The following FBXO4 variants were observed in gnomAD, a reference collection of about 807,000 sequenced individuals.
FBXO4 encodes the protein F-box only protein 4.
In FBXO4, 36 loss-of-function variants were observed where a neutral mutation model predicts 43.7. The ratio of observed to expected loss-of-function variants is 0.82; its 90% confidence interval spans 0.63 to 1.09. The LOEUF (loss-of-function observed/expected upper bound fraction) is 1.09. Ranked by LOEUF, FBXO4 falls within the 50% of genes least tolerant of loss-of-function variation. The probability of loss-of-function intolerance (pLI) is 0.00; values close to 1 mark genes in which losing one functional copy is unlikely to be tolerated. For synonymous variants in FBXO4, 180 were observed against 165.6 expected (o/e 1.09, Z -0.67); for missense variants, 435 against 474.1 (o/e 0.92, Z 0.77).
intron 5 of FBXO4, chr5:41,934,993 T>G: frequency 1.1e-5 from 11 of 984,834 alleles, no homozygotes; most frequent in Non-Finnish European, 1.2e-5. Context: ...TCTATTCAAT[T>G]TATTTTCCCT....
chr5:42,016,447 T>C, the FBXO4 span, among the ~76,000 whole-genome samples: 2 of 151,870 alleles, frequency 1.3e-5, no homozygotes, highest in African/African-American at 2.4e-5. Context: ...GTAAGAGGCA[T>C]AGCTAAAGCA....
chr5:42,004,346 C>A, the FBXO4 span, among the ~76,000 whole-genome samples: 2 of 151,872 alleles, frequency 1.3e-5, no homozygotes, highest in Non-Finnish European at 2.9e-5. Context: ...AACAAAAGAT[C>A]AAAATAATAT....
chr5:41,929,723 G>C lies in FBXO4; in HGVS notation c.452G>C (p.Arg151Thr), dbSNP rs1163061992. Residue 151 changes from arginine (R) to threonine (T), a missense_variant, in exon 3 of 7, where the codon AGA becomes ACA. By Grantham distance (71) the Arg-to-Thr change is moderately conservative (BLOSUM62 -1). Transcript: ENST00000281623. The stretch of plus-strand genomic sequence containing the variant: ...TATAGAATGTGCTGTCCATACACAA[G>C]AAGAGCTTCAAAATCCAGCCGTCCT... Reference protein sequence around the residue: ...AVYRMCCPYTRRASKSSRPMY... With the variant: ...AVYRMCCPYTTRASKSSRPMY... The C allele has an allele frequency of 1.2e-6, 2 of 1,612,324 alleles. No individual in the cohort carries two copies. The highest frequency in any genetic ancestry group is 4.5e-5 in the East Asian group (2 of 44,870).
In FBXO4 at chr5:41,939,542, G is replaced by C. The variant is rs769395239; in HGVS notation, c.1000G>C (p.Gly334Arg). The change falls in exon 6 of 7, where the codon GGG becomes CGG. Residue 334 changes from glycine (G) to arginine (R), a missense_variant. Transcript: ENST00000281623. ...PLLVLSCISQ[G>R]DVKRMPCFYL... ...GTTGGTTTTATCTTGTATTTCTCAA[G>C]GGGATGTAAAAAGAATGCCCTGTTT... The C allele has an allele frequency of 6.2e-7, 1 of 1,613,882 alleles. No homozygotes were observed. Among genetic ancestry groups the C allele is most frequent in the Non-Finnish European group, 8.5e-7 (1 of 1,179,874 alleles).
chr5:41,978,739 T>C, the FBXO4 span, among the ~76,000 whole-genome samples: 1 of 152,220 alleles, frequency 6.6e-6, no homozygotes, highest in African/African-American at 2.4e-5. Flanking sequence ...CATATATTTT[T>C]ATTCATTAAA....
chr5:42,003,678 C>A, the FBXO4 span, among the ~76,000 whole-genome samples: 1 of 116,596 alleles, frequency 8.6e-6, no homozygotes. Flanking sequence ...CTCCCCCCAC[C>A]CCACAACAGG....
At chr5:41,970,939 G>T in the FBXO4 span, among the ~76,000 whole-genome samples, 1 of 151,910 alleles carries the variant, frequency 6.6e-6, no homozygotes, top group Admixed American at 6.6e-5. Context: ...TTTTTAAAAA[G>T]TTAGTATTAT....
chr5:41,970,664 A>T, the FBXO4 span, among the ~76,000 whole-genome samples: 1 of 151,986 alleles, frequency 6.6e-6, no homozygotes, highest in Non-Finnish European at 1.5e-5. Context: ...AACTTAGTGT[A>T]AGAATTTATC....
the FBXO4 span, among the ~76,000 whole-genome samples, chr5:41,997,940 G>A: frequency 6.6e-6 from 1 of 152,182 alleles, no homozygotes; most frequent in Non-Finnish European, 1.5e-5. Flanking sequence ...GAAATTAATT[G>A]AGGGGCCATG....
the FBXO4 span, among the ~76,000 whole-genome samples, chr5:41,958,904 A>T: frequency 6.6e-6 from 1 of 152,192 alleles, no homozygotes; most frequent in Non-Finnish European, 1.5e-5. Context: ...TATCCTTTGG[A>T]TACAGATCCA....
intron 5 of FBXO4, chr5:41,934,565 A>G: frequency 7.4e-7 from 1 of 1,344,220 alleles, no homozygotes; most frequent in Non-Finnish European, 9.6e-7. Context: ...TGTGAATCAG[A>G]TTTGGGCATC....
the FBXO4 span, chr5:41,951,967 C>A: frequency 3.0e-6 from 1 of 328,576 alleles, no homozygotes; most frequent in Non-Finnish European, 5.9e-6. Flanking sequence ...GAGGATATGA[C>A]ACTGACATCA....
the FBXO4 span, among the ~76,000 whole-genome samples, chr5:41,976,932 C>T: frequency 6.6e-6 from 1 of 152,196 alleles, no homozygotes; most frequent in Non-Finnish European, 1.5e-5. Flanking sequence ...GTCAAGCCTC[C>T]TTCATGCCTG....
chr5:41,948,626 CTATGA>C, the FBXO4 span, among the ~76,000 whole-genome samples: 1 of 152,102 alleles, frequency 6.6e-6, no homozygotes, highest in African/African-American at 2.4e-5. Flanking sequence ...ATTATAAACA[CTATGA>C]TATATTATTT....
chr5:41,992,086 A>T, the FBXO4 span, among the ~76,000 whole-genome samples: 5 of 151,898 alleles, frequency 3.3e-5, no homozygotes, highest in East Asian at 3.9e-4. Flanking sequence ...CTCATAAAAA[A>T]ATATATATAT....
chr5:41,985,836 A>C, the FBXO4 span, among the ~76,000 whole-genome samples: 1 of 152,158 alleles, frequency 6.6e-6, no homozygotes, highest in Non-Finnish European at 1.5e-5. Flanking sequence ...TTAACCTCAA[A>C]AAACTGTTAG....
At chr5:42,007,879 G>A in the FBXO4 span, among the ~76,000 whole-genome samples, 14 of 152,114 alleles carry the variant, frequency 9.2e-5, no homozygotes, top group African/African-American at 1.7e-4. Context: ...GTTAGTATTC[G>A]CATAGGAAAA....
chr5:41,954,283 C>G, the FBXO4 span, among the ~76,000 whole-genome samples: 1 of 152,090 alleles, frequency 6.6e-6, no homozygotes, highest in South Asian at 2.1e-4. Flanking sequence ...AAATGGCAAA[C>G]TTGAAATATT....
the FBXO4 span, among the ~76,000 whole-genome samples, chr5:41,974,863 T>C: frequency 3.9e-5 from 6 of 152,326 alleles, no homozygotes; most frequent in Admixed American, 3.9e-4. Context: ...ATACTAGTCA[T>C]GTTACGTAGG....
Sources: gnomAD v4.1 joint callset for allele counts (sites outside exome capture counted in the v4.1 genomes callset) on GRCh38, gnomAD v4.1.1 for gene constraint, MANE v1.5 for transcripts, NCBI Gene and HGNC (gene_info 2026-07-23, HGNC 2026-07-21) for gene names.